DLC1: variants seen among roughly 807,000 people sequenced by gnomAD.
DLC1 encodes rho GTPase-activating protein 7.
In DLC1, 54 loss-of-function variants were observed where a neutral mutation model predicts 140.3. The ratio of observed to expected loss-of-function variants is 0.38; its 90% CI spans 0.31 to 0.48. The LOEUF (loss-of-function observed/expected upper bound fraction) is 0.48. DLC1 is among the 20% of genes least tolerant of loss of function. The pLI is 0.96. For missense variants in DLC1, 2,536 were observed against 1,907.0 expected (o/e 1.33, Z -6.14); for synonymous variants, 986 against 728.1 (o/e 1.35, Z -5.70).
intron 5 of DLC1, among the ~76,000 whole-genome samples, chr8:13,122,773 A>G (rs915623121): frequency 4.6e-5 from 7 of 151,724 alleles, no homozygotes; most frequent in African/African-American, 1.5e-4. Flanking sequence ...GTGCCTAAAA[A>G]AATTCCAAAC....
intron 5 of DLC1, chr8:13,214,207 G>A (rs1253645016): frequency 6.2e-6 from 1 of 160,354 alleles, no homozygotes; most frequent in Admixed American, 6.0e-5. Flanking sequence ...CAGAAAGTGA[G>A]CAGACATTAT....
chr8:13,582,516 C>T (rs968441322), intron 1 of DLC1, among the ~76,000 whole-genome samples: 1 of 152,080 alleles, frequency 6.6e-6, no homozygotes, highest in South Asian at 2.1e-4. Flanking sequence ...TTAGACTGGC[C>T]TGGGCTCCCA....
At chr8:13,315,257 T>C (rs899731231) in intron 4 of DLC1, among the ~76,000 whole-genome samples, 2 of 152,186 alleles carry the variant, frequency 1.3e-5, no homozygotes, top group African/African-American at 4.8e-5. Context: ...TCCACATACA[T>C]ACATATATAC....
chr8:13,177,262 T>C (rs1825805227), intron 5 of DLC1, among the ~76,000 whole-genome samples: 1 of 152,198 alleles, frequency 6.6e-6, no homozygotes, highest in Non-Finnish European at 1.5e-5. Context: ...TGAAACTTCA[T>C]AATGTATTTT....
At chr8:13,520,475 G>A (rs992066584) in intron 1 of DLC1, among the ~76,000 whole-genome samples, 1 of 152,082 alleles carries the variant, frequency 6.6e-6, no homozygotes, top group African/African-American at 2.4e-5. Context: ...GCCTGTAGGG[G>A]GTTGGGGGCT....
intron 2 of DLC1, among the ~76,000 whole-genome samples, chr8:13,481,928 A>G (rs115416457): frequency 6.6e-6 from 1 of 152,178 alleles, no homozygotes; most frequent in African/African-American, 2.4e-5. Flanking sequence ...CTATAGAAAG[A>G]TAATATACCT....
At chr8:13,222,017 G>A (rs1828582506) in intron 5 of DLC1, among the ~76,000 whole-genome samples, 1 of 147,204 alleles carries the variant, frequency 6.8e-6, no homozygotes, top group Non-Finnish European at 1.5e-5. Flanking sequence ...CCATTGCCAA[G>A]TGAGAAGTTA....
At chr8:13,444,242 T>A (rs1054482975) in intron 2 of DLC1, among the ~76,000 whole-genome samples, 1 of 151,834 alleles carries the variant, frequency 6.6e-6, no homozygotes, top group Non-Finnish European at 1.5e-5. Flanking sequence ...TAGGTGGGAG[T>A]TGAACAATGA....
chr8:13,354,834 A>G (rs1260239492), intron 4 of DLC1, among the ~76,000 whole-genome samples: 1 of 151,634 alleles, frequency 6.6e-6, no homozygotes, highest in African/African-American at 2.4e-5. Context: ...CTGTAATCCC[A>G]GCTGTTGGGG....
intron 2 of DLC1, among the ~76,000 whole-genome samples, chr8:13,480,257 G>A (rs1800662172): frequency 6.6e-6 from 1 of 152,026 alleles, no homozygotes; most frequent in Non-Finnish European, 1.5e-5. Context: ...ACCCATAAAA[G>A]CTTAAAAATA....
chr8:13,185,908 GC>G (rs1826345372), intron 5 of DLC1, among the ~76,000 whole-genome samples: 1 of 152,140 alleles, frequency 6.6e-6, no homozygotes, highest in Admixed American at 6.5e-5. Context: ...CATGTATGAA[GC>G]TTAGTTTGGC....
At chr8:13,216,772 C>T (rs1156258247) in intron 5 of DLC1, among the ~76,000 whole-genome samples, 3 of 152,092 alleles carry the variant, frequency 2.0e-5, no homozygotes, top group Non-Finnish European at 4.4e-5. Context: ...ATCCCTGGGC[C>T]TCTATCTAGT....
chr8:13,094,242 T>C (rs1197433212), intron 12 of DLC1, among the ~76,000 whole-genome samples: 1 of 152,190 alleles, frequency 6.6e-6, no homozygotes, highest in Non-Finnish European at 1.5e-5. Flanking sequence ...CATCAGTCAT[T>C]AGAGACTGGG....
At chr8:13,111,020 C>T (rs140241509) in intron 6 of DLC1, among the ~76,000 whole-genome samples, 197 bp from the exon 7 acceptor site, 86 of 152,242 alleles carry the variant, frequency 5.6e-4, no homozygotes, top group Middle Eastern at 3.4e-3. Context: ...AAAGGAGCTT[C>T]GGCTTTAATG....
chr8:13,412,578 A>G (rs1411041745), intron 2 of DLC1, among the ~76,000 whole-genome samples: 1 of 152,126 alleles, frequency 6.6e-6, no homozygotes, highest in Admixed American at 6.5e-5. Flanking sequence ...GTTGCATACG[A>G]TGACGCAGAT....
In DLC1 at chr8:13,084,440, T is replaced by C. The variant is rs1290186278; in HGVS notation, c.*1371A>G. 3.3e-5 allele frequency: 5 copies of C among 152,574 alleles called. No homozygotes were observed. Among genetic ancestry groups the C allele is most frequent in the Non-Finnish European group, 7.4e-5 (5 of 68,020 alleles). The allele number at this position is 152,574 out of a possible 1,614,324, so 9.5% of individuals were successfully genotyped here. On this transcript the variant is annotated 3_prime_UTR_variant, in exon 18 of 18. Coordinates refer to ENST00000276297, the MANE Select transcript of DLC1 (RefSeq NM_182643.3). ...GATCCATACACAATAAATTTACTAA[T>C]ACTGTCTCTTGAGTCAATCCTTACC... is the stretch of plus-strand genomic sequence containing the variant.
intron 5 of DLC1, among the ~76,000 whole-genome samples, chr8:13,151,957 T>C (rs1823852003): frequency 1.3e-5 from 2 of 152,226 alleles, no homozygotes; most frequent in African/African-American, 4.8e-5. Flanking sequence ...CAGGAACAGA[T>C]CTCTGCGATT....
At chr8:13,102,750 C>T in intron 8 of DLC1, 40 bp downstream of exon 8, 2 of 1,562,962 alleles carry the variant, frequency 1.3e-6, no homozygotes, top group Non-Finnish European at 8.8e-7. Flanking sequence ...TTTGTTTGCC[C>T]CTTTTCCCCC....
At position 13,136,107 on chromosome 8, in the gene DLC1, G is replaced by A. The variant is rs188240681; in HGVS notation, c.1349-20450C>T. Among the ~76,000 whole-genome samples the A allele has an allele frequency of 1.6e-4, 24 of 152,314 alleles. No individual in the cohort carries two copies. In the East Asian group the frequency reaches 4.6e-3, roughly 29 times the overall value. On this transcript the variant is annotated intron_variant, in intron 5 of 17. Coordinates refer to ENST00000276297, the MANE Select transcript of DLC1 (RefSeq NM_182643.3). ...CATGCTACATTTTGAAAGCTGCTACGCTTAAGAGAATGGTGGTTGAAAGCA... is the reference window on the plus strand; with the variant it reads ...CATGCTACATTTTGAAAGCTGCTACACTTAAGAGAATGGTGGTTGAAAGCA...
Sources: allele counts gnomAD v4.1 joint callset (sites outside exome capture counted in the v4.1 genomes callset), GRCh38; gene constraint gnomAD v4.1.1; transcripts MANE v1.5; gene names NCBI Gene and HGNC (gene_info 2026-07-23, HGNC 2026-07-21).